Variants in CAMK4 observed in about 807,000 individuals in gnomAD.
CAMK4 encodes the protein calcium/calmodulin dependent protein kinase IV.
In CAMK4, 22 loss-of-function variants were observed where a neutral mutation model predicts 44.9. The observed-to-expected ratio is 0.49, with a 90% CI of 0.35 to 0.70. CAMK4 has a LOEUF of 0.70. CAMK4 is among the 30% of genes least tolerant of loss of function. The probability of loss-of-function intolerance (pLI) is 0.01; values close to 1 mark genes in which losing one functional copy is unlikely to be tolerated. For synonymous variants in CAMK4, 218 were observed against 215.4 expected (o/e 1.01, Z -0.11); for missense variants, 498 against 586.8 (o/e 0.85, Z 1.56).
chr5:111,268,728 T>C (rs1750369065), intron 1 of CAMK4, among the ~76,000 whole-genome samples: 1 of 152,206 alleles, frequency 6.6e-6, no homozygotes, highest in East Asian at 1.9e-4. Flanking sequence ...GTGTGGTATG[T>C]GACATGTCAA....
intron 5 of CAMK4, among the ~76,000 whole-genome samples, 160 bp downstream of exon 5, chr5:111,394,942 C>A (rs1228163925): frequency 6.6e-6 from 1 of 152,032 alleles, no homozygotes; most frequent in African/African-American, 2.4e-5. Flanking sequence ...GGCATGGTGG[C>A]TCAAGCCTGT....
At chr5:111,388,575 A>T (rs1262805792) in intron 4 of CAMK4, among the ~76,000 whole-genome samples, 1 of 152,060 alleles carries the variant, frequency 6.6e-6, no homozygotes, top group Non-Finnish European at 1.5e-5. Context: ...CTCACCCTTC[A>T]TGGCCTCCAG....
chr5:111,397,078 A>G (rs1461732918), intron 5 of CAMK4, among the ~76,000 whole-genome samples: 1 of 152,208 alleles, frequency 6.6e-6, no homozygotes, highest in Non-Finnish European at 1.5e-5. Flanking sequence ...TCTTGTTATT[A>G]TACATAATAA....
chr5:111,355,665 A>G (rs1274265127), intron 2 of CAMK4, among the ~76,000 whole-genome samples: 1 of 99,614 alleles, frequency 1.0e-5, no homozygotes, highest in African/African-American at 3.7e-5. Flanking sequence ...CCCACACCCC[A>G]CAACAGTCCC....
chr5:111,417,630 A>G (rs1354567585), intron 5 of CAMK4, among the ~76,000 whole-genome samples: 1 of 152,186 alleles, frequency 6.6e-6, no homozygotes, highest in Non-Finnish European at 1.5e-5. Context: ...TACTGGGATT[A>G]CAGATGTCAG....
chr5:111,254,425 G>A (rs1212562251), intron 1 of CAMK4, among the ~76,000 whole-genome samples: 1 of 152,196 alleles, frequency 6.6e-6, no homozygotes, highest in East Asian at 1.9e-4. Context: ...TGGAGGTGGA[G>A]AGGGTTGACA....
chr5:111,355,313 T>C (rs1006225034), intron 2 of CAMK4, among the ~76,000 whole-genome samples: 1 of 152,052 alleles, frequency 6.6e-6, no homozygotes, highest in Non-Finnish European at 1.5e-5. Flanking sequence ...AGAATATGTA[T>C]ATAAGAGAGC....
chr5:111,289,401 A>G (rs1392643888), intron 1 of CAMK4, among the ~76,000 whole-genome samples: 2 of 152,198 alleles, frequency 1.3e-5, no homozygotes, highest in Non-Finnish European at 2.9e-5. Context: ...TCCAGCTTAC[A>G]TAAGGGACCT....
intron 8 of CAMK4, among the ~76,000 whole-genome samples, chr5:111,474,370 C>T (rs997475359): frequency 6.6e-6 from 1 of 152,160 alleles, no homozygotes; most frequent in African/African-American, 2.4e-5. Flanking sequence ...CTGCTGAGGG[C>T]CCTCTCTTGG....
intron 7 of CAMK4, among the ~76,000 whole-genome samples, chr5:111,464,978 A>G (rs976754283): frequency 6.6e-6 from 1 of 152,136 alleles, no homozygotes; most frequent in African/African-American, 2.4e-5. Flanking sequence ...CTCCCAAACC[A>G]AGGAGACAGC....
chr5:111,472,785 ACCT>A (rs1489727024), intron 7 of CAMK4, among the ~76,000 whole-genome samples: 8 of 151,872 alleles, frequency 5.3e-5, no homozygotes, highest in Non-Finnish European at 8.8e-5. Context: ...GTGCCAGGAC[ACCT>A]CCTAGCTCCT....
At chr5:111,470,672 G>C (rs1319324995) in intron 7 of CAMK4, among the ~76,000 whole-genome samples, 1 of 152,142 alleles carries the variant, frequency 6.6e-6, no homozygotes, top group Non-Finnish European at 1.5e-5. Flanking sequence ...GTTCCTTATA[G>C]AAATTTTAAG....
chr5:111,277,131 C>G (rs1002621229), intron 1 of CAMK4, among the ~76,000 whole-genome samples: 1 of 152,180 alleles, frequency 6.6e-6, no homozygotes, highest in Non-Finnish European at 1.5e-5. Flanking sequence ...AAGATGTTAA[C>G]ACATGGATGA....
At position 111,396,631 on chromosome 5, in the gene CAMK4, C is replaced by CTTTTTTTTTTTTTTTTTTTTTTT. The variant is rs540495109; in HGVS notation, c.459+1854_459+1876dup. Among the ~76,000 whole-genome samples, 13 of 47,014 alleles carry CTTTTTTTTTTTTTTTTTTTTTTT rather than the reference C, an allele frequency of 2.8e-4. 3 individuals are homozygous for CTTTTTTTTTTTTTTTTTTTTTTT. Among genetic ancestry groups the CTTTTTTTTTTTTTTTTTTTTTTT allele is most frequent in the Non-Finnish European group, 3.2e-4 (9 of 27,862 alleles). The allele number at this position is 47,014 out of a possible 152,430, so 30.8% of individuals were successfully genotyped here. On this transcript the variant is annotated intron_variant, in intron 5 of 10. Transcript: ENST00000282356. ...ACTTTAATTGCCATTAACTCATATT[C>CTTTTTTTTTTTTTTTTTTTTTTT]TTTTTTTTTTTTTTTTTTTTTTTTT...
chr5:111,436,704 AG>A (rs1263400166), intron 5 of CAMK4, among the ~76,000 whole-genome samples: 1 of 152,206 alleles, frequency 6.6e-6, no homozygotes, highest in Non-Finnish European at 1.5e-5. Flanking sequence ...GTATTATTAC[AG>A]CTAGGTACAT....
intron 2 of CAMK4, among the ~76,000 whole-genome samples, chr5:111,371,176 T>C (rs552092336): frequency 2.0e-5 from 3 of 152,278 alleles, no homozygotes; most frequent in South Asian, 2.1e-4. Context: ...TACCCCATGA[T>C]TGAGCTGCCT....
Position 111,224,570 on chromosome 5 carries a change from C to T in CAMK4, c.87C>T (p.Val29=), listed in dbSNP as rs1297535182. 5 of 1,612,536 alleles carry T rather than the reference C, an allele frequency of 3.1e-6. No homozygotes were observed. The highest frequency in any genetic ancestry group is 1.3e-5 in the African/African-American group (1 of 74,922). ...CGGCCCCGGGGACCGCGAGCCTCGT[C>T]CCGGATTACTGGATCGACGGCTCCA... ...ASAAPGTASL[V]PDYWIDGSNR... The change falls in exon 1 of 11, where the codon GTC becomes GTT. Residue 29 remains valine (V), a synonymous_variant. Transcript: ENST00000282356. This position sits in a 1 kb window ranked among gnomAD's most constrained non-coding sequence, Gnocchi z 5.7.
Position 111,490,306 on chromosome 5 carries a change from G to T in CAMK4, c.*5840G>T, listed in dbSNP as rs147384576. ...AGAGCAGTTCATCTGTTTTGTAAAG[G>T]TACAGTTAAGCATAACTATAGGCTG... On this transcript the variant is annotated 3_prime_UTR_variant, in exon 11 of 11. Transcript: ENST00000282356. 65 of 152,234 alleles carry T rather than the reference G, an allele frequency of 4.3e-4. No individual in the cohort carries two copies. Among genetic ancestry groups the T allele is most frequent in the African/African-American group, 1.4e-3 (60 of 41,526 alleles). The allele number at this position is 152,234 out of a possible 1,614,324, so 9.4% of individuals were successfully genotyped here.
chr5:111,420,985 G>C (rs1183444431), intron 5 of CAMK4, among the ~76,000 whole-genome samples: 1 of 152,168 alleles, frequency 6.6e-6, no homozygotes, highest in Non-Finnish European at 1.5e-5. Context: ...TTAAAGTAAA[G>C]ACAGGCATAG....
Sources: allele counts gnomAD v4.1 joint callset (sites outside exome capture counted in the v4.1 genomes callset), GRCh38; gene constraint gnomAD v4.1.1; non-coding constraint Gnocchi (gnomAD v3.1); transcripts MANE v1.5; gene names NCBI Gene and HGNC (gene_info 2026-07-23, HGNC 2026-07-21).